NXPE2: variants seen among roughly 807,000 people sequenced by gnomAD.
NXPE2 encodes NXPE family member 2.
A neutral mutation model predicts 34.4 loss-of-function variants in NXPE2; 34 were observed. The ratio of observed to expected loss-of-function variants is 0.99; its 90% CI spans 0.75 to 1.31. The LOEUF (loss-of-function observed/expected upper bound fraction) is 1.31, where lower values mean the gene tolerates loss of function less well. NXPE2 is among the 40% of genes most tolerant of loss of function. The pLI, the probability that NXPE2 is intolerant of heterozygous loss-of-function variation, is 0.00. For missense variants in NXPE2, 649 were observed against 672.5 expected (o/e 0.97, Z 0.39); for synonymous variants, 235 against 231.3 (o/e 1.02, Z -0.15).
At chr11:114,549,700 T>A in the NXPE2 span, among the ~76,000 whole-genome samples, 34,611 of 151,942 alleles carry the variant, frequency 0.23, 5,581 homozygotes, top group African/African-American at 0.45. Flanking sequence ...ATCTCATTAC[T>A]TTCAACATTG....
chr11:114,742,731 A>AG, the NXPE2 span, among the ~76,000 whole-genome samples: 2 of 146,746 alleles, frequency 1.4e-5, no homozygotes, highest in Non-Finnish European at 1.5e-5. Context: ...ATGTTTCTGT[A>AG]GGGGGATGAT....
At chr11:114,630,202 C>T in the NXPE2 span, among the ~76,000 whole-genome samples, 1 of 151,704 alleles carries the variant, frequency 6.6e-6, no homozygotes, top group Non-Finnish European at 1.5e-5. Context: ...CAAAAAAGAG[C>T]CCTCATCGCC....
chr11:114,547,724 GA>G, the NXPE2 span, among the ~76,000 whole-genome samples: 1 of 152,154 alleles, frequency 6.6e-6, no homozygotes, highest in Non-Finnish European at 1.5e-5. Flanking sequence ...GTCAGAGCAA[GA>G]CTCTGTCTCA....
At chr11:114,486,316 C>T in the NXPE2 span, among the ~76,000 whole-genome samples, 1 of 152,164 alleles carries the variant, frequency 6.6e-6, no homozygotes, top group African/African-American at 2.4e-5. Flanking sequence ...AATGTCAGTT[C>T]ATATCTTTTG....
the NXPE2 span, among the ~76,000 whole-genome samples, chr11:114,622,571 A>T: frequency 1.3e-5 from 2 of 152,070 alleles, no homozygotes; most frequent in Non-Finnish European, 2.9e-5. Flanking sequence ...GTGGGTAACC[A>T]CTGCTACCCG....
chr11:114,671,129 GA>G, the NXPE2 span, among the ~76,000 whole-genome samples: 18 of 149,408 alleles, frequency 1.2e-4, no homozygotes, highest in African/African-American at 3.7e-4. Context: ...TTCTGGAGTT[GA>G]AAAGTACAAT....
the NXPE2 span, among the ~76,000 whole-genome samples, chr11:114,517,182 T>G: frequency 6.6e-6 from 1 of 152,156 alleles, no homozygotes; most frequent in Non-Finnish European, 1.5e-5. Flanking sequence ...AGGTTCTCAG[T>G]ATATATCATT....
At chr11:114,551,417 A>T in the NXPE2 span, 1 of 1,320,956 alleles carries the variant, frequency 7.6e-7, no homozygotes, top group Non-Finnish European at 9.6e-7. Flanking sequence ...TTCACTCAGG[A>T]TTGTTGCTTC....
At chr11:114,799,279 G>C in the NXPE2 span, among the ~76,000 whole-genome samples, 4 of 112,322 alleles carry the variant, frequency 3.6e-5, no homozygotes, top group African/African-American at 1.4e-4. Context: ...GAGAAGATGA[G>C]AGGCAATGAA....
At chr11:114,781,649 T>C in the NXPE2 span, among the ~76,000 whole-genome samples, 1 of 152,066 alleles carries the variant, frequency 6.6e-6, no homozygotes, top group Non-Finnish European at 1.5e-5. Context: ...GGGAGGGTTG[T>C]AACAGGACTT....
chr11:114,500,469 T>G, the NXPE2 span, among the ~76,000 whole-genome samples: 525 of 152,204 alleles, frequency 3.4e-3, 3 homozygotes, highest in African/African-American at 0.011. Flanking sequence ...AAATGGGTTG[T>G]CTGTTTTCTT....
the NXPE2 span, among the ~76,000 whole-genome samples, chr11:114,470,582 CGTGTGTGTGTGTGTGTGTGTGT>C: frequency 0.018 from 2,607 of 144,934 alleles, 74 homozygotes; most frequent in African/African-American, 0.064. Flanking sequence ...AAAGAATTGA[CGTGTGTGTGTGTGTGTGTGTGT>C]GTGTGTGTGT....
At chr11:114,805,014 T>C in the NXPE2 span, among the ~76,000 whole-genome samples, 2 of 152,142 alleles carry the variant, frequency 1.3e-5, no homozygotes, top group African/African-American at 4.8e-5. Flanking sequence ...TCTTCTTCTT[T>C]GGAGTGGGGG....
the NXPE2 span, among the ~76,000 whole-genome samples, chr11:114,622,823 T>A: frequency 6.6e-6 from 1 of 152,122 alleles, no homozygotes; most frequent in South Asian, 2.1e-4. Flanking sequence ...GTTACCACTC[T>A]TACCCAGTGG....
chr11:114,594,891 T>A, the NXPE2 span: 1 of 584,804 alleles, frequency 1.7e-6, no homozygotes, highest in South Asian at 2.0e-5. Context: ...GATAAATAAC[T>A]CCCAGAAATA....
chr11:114,633,894 G>T, the NXPE2 span, among the ~76,000 whole-genome samples: 2 of 151,768 alleles, frequency 1.3e-5, no homozygotes, highest in Non-Finnish European at 2.9e-5. Context: ...TTCCAAGTCT[G>T]CTATTGTGAG....
chr11:114,509,105 C>T, the NXPE2 span, among the ~76,000 whole-genome samples: 1 of 152,280 alleles, frequency 6.6e-6, no homozygotes, highest in Non-Finnish European at 1.5e-5. Flanking sequence ...CATGAAGAGA[C>T]ACTTTTCAAA....
At chr11:114,775,888 A>AC in the NXPE2 span, among the ~76,000 whole-genome samples, 13 of 147,938 alleles carry the variant, frequency 8.8e-5, no homozygotes, top group African/African-American at 3.2e-4. Flanking sequence ...ACGAAAAAAA[A>AC]AAACAAAAAA....
the NXPE2 span, among the ~76,000 whole-genome samples, chr11:114,602,678 ATGTAATAATTATC>A: frequency 1.4e-5 from 2 of 141,936 alleles, no homozygotes; most frequent in Non-Finnish European, 3.0e-5. Context: ...ACAGAATCAT[ATGTAATAATTATC>A]TCATATATAA....
Sources: allele counts gnomAD v4.1 joint callset (sites outside exome capture counted in the v4.1 genomes callset), GRCh38; gene constraint gnomAD v4.1.1; transcripts MANE v1.5; gene names NCBI Gene and HGNC (gene_info 2026-07-23, HGNC 2026-07-21).